The following SRGAP2 variants were observed in gnomAD, a reference collection of about 807,000 sequenced individuals.
The protein encoded by SRGAP2 is SLIT-ROBO Rho GTPase-activating protein 2.
Under a neutral mutation model 57.2 loss-of-function variants are expected in SRGAP2, and 15 were observed. That is an observed-to-expected ratio of 0.26 (90% CI 0.18 to 0.40). SRGAP2 has a LOEUF of 0.40. SRGAP2 is among the 10% of genes least tolerant of loss of function. The pLI is 1.00. For missense variants in SRGAP2, 520 were observed against 669.6 expected, an observed-to-expected ratio of 0.78 and a Z score of 2.47; for synonymous variants, 249 against 248.0, an observed-to-expected ratio of 1.00 and a Z score of -0.04.
intron 4 of SRGAP2, among the ~76,000 whole-genome samples, chr1:206,364,436 G>A (rs1325946856): frequency 6.6e-6 from 1 of 151,474 alleles, no homozygotes; most frequent in African/African-American, 2.4e-5. Flanking sequence ...CGAGTAGCTG[G>A]GATTATAGTA....
chr1:206,392,057 G>T (rs1369780652), intron 5 of SRGAP2, among the ~76,000 whole-genome samples: 4 of 151,930 alleles, frequency 2.6e-5, no homozygotes, highest in African/African-American at 9.7e-5. Context: ...AATGTGTTGT[G>T]TGGTACTTGG....
At chr1:206,418,524 T>C (rs1440299515) in intron 11 of SRGAP2, among the ~76,000 whole-genome samples, 2 of 152,238 alleles carry the variant, frequency 1.3e-5, no homozygotes, top group Admixed American at 1.3e-4. Flanking sequence ...GTTTAAATAA[T>C]GCAGATCTAA....
At chr1:206,278,093 C>T (rs1324446524) in intron 2 of SRGAP2, among the ~76,000 whole-genome samples, 3 of 151,950 alleles carry the variant, frequency 2.0e-5, no homozygotes, top group Admixed American at 2.0e-4. Flanking sequence ...TATTCATTCA[C>T]TCATCTGTGC....
intron 2 of SRGAP2, among the ~76,000 whole-genome samples, chr1:206,210,838 G>C (rs1666269873): frequency 6.6e-6 from 1 of 150,628 alleles, no homozygotes; most frequent in South Asian, 2.1e-4. Flanking sequence ...TCCTCAAGCA[G>C]ATGCTATCAT....
At chr1:206,458,353 A>G (rs1214343004) in intron 21 of SRGAP2, 2 of 639,314 alleles carry the variant, frequency 3.1e-6, no homozygotes. Flanking sequence ...TCGCTTAATC[A>G]GACATTTTTT....
intron 2 of SRGAP2, among the ~76,000 whole-genome samples, chr1:206,209,925 G>A (rs1337062145): frequency 8.9e-6 from 1 of 112,892 alleles, no homozygotes; most frequent in Non-Finnish European, 1.7e-5. Context: ...TTAAATTGTT[G>A]TATTGGTATT....
At chr1:206,389,104 C>G (rs547399438) in intron 5 of SRGAP2, among the ~76,000 whole-genome samples, 2 of 151,702 alleles carry the variant, frequency 1.3e-5, no homozygotes, top group Non-Finnish European at 2.9e-5. Flanking sequence ...GAATAAACCT[C>G]TCATCTAGTC....
intron 16 of SRGAP2, among the ~76,000 whole-genome samples, chr1:206,438,404 T>G (rs1553370809): frequency 6.6e-6 from 1 of 152,184 alleles, no homozygotes; most frequent in African/African-American, 2.4e-5. Flanking sequence ...TATTTGAAGC[T>G]TATACATTAG....
intron 5 of SRGAP2, among the ~76,000 whole-genome samples, chr1:206,392,257 C>G (rs1657050596): frequency 9.4e-6 from 1 of 105,926 alleles, no homozygotes; most frequent in South Asian, 3.8e-4. Flanking sequence ...ATAGGCTACT[C>G]CATAGGCTGC....
In SRGAP2 at chr1:206,319,766, CT is replaced by C. The variant is rs1335337185; in HGVS notation, c.260+16297del. The stretch of plus-strand genomic sequence containing the variant: ...AAAATCTTTGATAAAATCGCTTATT[CT>C]TTTGGAAGCTAAGAACATCTTTGTA... On this transcript the variant is annotated intron_variant, in intron 3 of 22. Transcript: ENST00000573034. Among the ~76,000 whole-genome samples the C allele has an allele frequency of 4.9e-4, 69 of 140,214 alleles. 1 individual carries two copies. Among genetic ancestry groups the C allele is most frequent in the African/African-American group, 2.1e-3 (68 of 32,038 alleles). 92.0% of individuals were successfully genotyped at this position (140,214 alleles called of 152,430 possible).
At chr1:206,354,536 G>A (rs188134073) in intron 4 of SRGAP2, among the ~76,000 whole-genome samples, 1 of 152,296 alleles carries the variant, frequency 6.6e-6, no homozygotes, top group African/African-American at 2.4e-5. Flanking sequence ...CTTGGGCTGA[G>A]GGGGTTCCTA....
At chr1:206,429,570 C>T (rs1661109112) in intron 13 of SRGAP2, among the ~76,000 whole-genome samples, 1 of 152,196 alleles carries the variant, frequency 6.6e-6, no homozygotes. Context: ...GAGGACTTTG[C>T]AGAACAGAAA....
At chr1:206,284,840 A>C (rs1670931265) in intron 2 of SRGAP2, among the ~76,000 whole-genome samples, 1 of 152,180 alleles carries the variant, frequency 6.6e-6, no homozygotes, top group Non-Finnish European at 1.5e-5. Flanking sequence ...TAGAATGCTC[A>C]TACCATCTTG....
intron 19 of SRGAP2, among the ~76,000 whole-genome samples, chr1:206,451,115 TAAA>T (rs67862340): frequency 2.9e-5 from 2 of 69,244 alleles, no homozygotes; most frequent in Admixed American, 1.7e-4. Context: ...AGACCCTGTC[TAAA>T]AAAAAAAAAA....
At chr1:206,433,401 G>A (rs1296060597) in intron 14 of SRGAP2, among the ~76,000 whole-genome samples, 2 of 152,172 alleles carry the variant, frequency 1.3e-5, no homozygotes, top group African/African-American at 4.8e-5. Context: ...CACTTTGGGA[G>A]GCTGAGGTGG....
At chr1:206,383,881 T>G in intron 4 of SRGAP2, 133 bp from the exon 5 acceptor site, 1 of 619,656 alleles carries the variant, frequency 1.6e-6, no homozygotes, top group Admixed American at 2.9e-5. Context: ...GGAGTGGTTA[T>G]CTGATTTGCT....
chr1:206,257,649 A>G (rs1553312697), intron 2 of SRGAP2, among the ~76,000 whole-genome samples: 1 of 135,806 alleles, frequency 7.4e-6, no homozygotes, highest in African/African-American at 2.7e-5. Flanking sequence ...CTGGGAACCT[A>G]GGGGGTGAGT....
chr1:206,366,754 C>G (rs1305677465), intron 4 of SRGAP2, among the ~76,000 whole-genome samples: 1 of 148,946 alleles, frequency 6.7e-6, no homozygotes, highest in African/African-American at 2.5e-5. Flanking sequence ...CCTCTTTCCA[C>G]CCCCTTCCTT....
chr1:206,290,472 C>T (rs1268489036), intron 2 of SRGAP2, among the ~76,000 whole-genome samples: 30 of 151,928 alleles, frequency 2.0e-4, no homozygotes, highest in Admixed American at 9.8e-4. Context: ...CATGGTGAAA[C>T]TTTGTCTCTA....
Sources: gnomAD v4.1 joint callset for allele counts (sites outside exome capture counted in the v4.1 genomes callset) on GRCh38, gnomAD v4.1.1 for gene constraint, MANE v1.5 for transcripts, NCBI Gene and HGNC (gene_info 2026-07-23, HGNC 2026-07-21) for gene names.